The following INPP4A variants were observed in gnomAD, a reference collection of about 807,000 sequenced individuals.
INPP4A encodes inositol polyphosphate-4-phosphatase, type I, 107kD.
Under a neutral mutation model 119.8 loss-of-function variants are expected in INPP4A, and 33 were observed. The observed-to-expected ratio is 0.28, with a 90% confidence interval of 0.21 to 0.37. The LOEUF is 0.37. INPP4A is among the 10% of genes least tolerant of loss of function. The pLI is 1.00. For synonymous variants in INPP4A, 496 were observed against 500.7 expected (o/e 0.99, Z 0.12); for missense variants, 956 against 1,289.9 (o/e 0.74, Z 3.97).
rs777464539 is a variant in INPP4A at position 98,552,855 on chromosome 2, C to G, written c.1233C>G (p.Ala411=). 5 of 1,613,888 alleles carry G rather than the reference C, an allele frequency of 3.1e-6. No homozygotes were observed. The South Asian group carries it at 5.5e-5, about 18-fold the overall frequency. Residue 411 remains alanine, a synonymous_variant, in exon 14 of 25, where the codon GCC becomes GCG. Coordinates refer to ENST00000409851, the MANE Select transcript of INPP4A (RefSeq NM_001134225.2). ...QDVVRAKEII[A]QINTLKTQVS... is the part of the protein sequence containing the mutation. ...TTGTCAGAGCCAAGGAGATCATCGC[C>G]CAGATCAACACCCTGAAAACCCAAG...
intron 1 of INPP4A, among the ~76,000 whole-genome samples, chr2:98,499,752 A>T (rs899020608): frequency 3.3e-5 from 5 of 152,256 alleles, no homozygotes; most frequent in African/African-American, 9.6e-5. Flanking sequence ...TATGTCTCTT[A>T]TCTTCACACA....
At chr2:98,483,651 A>G (rs1678942480) in intron 1 of INPP4A, among the ~76,000 whole-genome samples, 1 of 152,192 alleles carries the variant, frequency 6.6e-6, no homozygotes, top group Admixed American at 6.5e-5. Flanking sequence ...TCCATGCCTC[A>G]AAACACCTCA....
At position 98,532,265 on chromosome 2, in the gene INPP4A, C is replaced by T. The variant is rs541836554; in HGVS notation, c.152-1112C>T. 1.1e-4 allele frequency among the ~76,000 whole-genome samples: 16 copies of T among 151,978 alleles called. 1 individual carries two copies. Among genetic ancestry groups the T allele is most frequent in the African/African-American group, 3.9e-4 (16 of 41,464 alleles). On this transcript the variant is annotated intron_variant, in intron 4 of 24. Coordinates refer to ENST00000409851, the MANE Select transcript of INPP4A (RefSeq NM_001134225.2). ...TAATCTCTCCTTTTTTCTCCCTGTT[C>T]TTTCTTTCATTTTTGTTAGTGTCTT...
intron 13 of INPP4A, chr2:98,548,820 C>T (rs1233465289): frequency 6.4e-6 from 5 of 775,624 alleles, no homozygotes; most frequent in Non-Finnish European, 1.1e-5. Flanking sequence ...TTGTAGTCAT[C>T]CCTGTAGTTG....
chr2:98,478,586 T>A (rs573517026), intron 1 of INPP4A, among the ~76,000 whole-genome samples: 1 of 152,336 alleles, frequency 6.6e-6, no homozygotes, highest in South Asian at 2.1e-4. Context: ...CCCGACTTTC[T>A]TTGCAACAAA....
chr2:98,452,154 C>G (rs1436790321), intron 1 of INPP4A, among the ~76,000 whole-genome samples: 1 of 152,196 alleles, frequency 6.6e-6, no homozygotes. Flanking sequence ...GCAGCTGATT[C>G]CCCAGCCACA....
chr2:98,517,073 C>T (rs1159780445), intron 1 of INPP4A, among the ~76,000 whole-genome samples: 2 of 152,062 alleles, frequency 1.3e-5, no homozygotes, highest in Non-Finnish European at 2.9e-5. Context: ...TTCCAGAGCC[C>T]CGGAAGCCCT....
chr2:98,496,175 C>A (rs541560973), intron 1 of INPP4A, among the ~76,000 whole-genome samples: 72 of 152,238 alleles, frequency 4.7e-4, no homozygotes, highest in Non-Finnish European at 9.7e-4. Flanking sequence ...CCTCCTCTTC[C>A]CATCATAGCC....
intron 1 of INPP4A, among the ~76,000 whole-genome samples, chr2:98,507,602 C>T (rs538967538): frequency 3.5e-4 from 53 of 152,194 alleles, no homozygotes; most frequent in African/African-American, 1.2e-3. Flanking sequence ...GGGCCTGGCT[C>T]AAGCTGGAGA....
intron 1 of INPP4A, among the ~76,000 whole-genome samples, chr2:98,445,684 G>C (rs551179634): frequency 2.0e-5 from 3 of 152,212 alleles, no homozygotes; most frequent in Non-Finnish European, 4.4e-5. Flanking sequence ...GAAGACAGAC[G>C]TTCAAAATGT....
chr2:98,537,784 G>A, intron 7 of INPP4A, 79 bp from the exon 8 acceptor site: 1 of 1,116,708 alleles, frequency 9.0e-7, no homozygotes, highest in African/African-American at 1.5e-5. Context: ...TGATGACCCA[G>A]TACGGCTAGG....
At position 98,554,607 on chromosome 2, in the gene INPP4A, C is replaced by T; in HGVS notation, c.1566+118C>T. The T allele has an allele frequency of 1.2e-6, 1 of 865,386 alleles. No homozygotes were observed. Among genetic ancestry groups the T allele is most frequent in the South Asian group, 1.7e-5 (1 of 59,174 alleles). 53.6% of individuals were successfully genotyped at this position (865,386 alleles called of 1,614,324 possible). A position where few individuals can be genotyped will look rare whatever the true frequency, so the allele number is the denominator to read the frequency against. ...AAGGTTCAACTGCTGTGAACAAGCT[C>T]CAGGTTTCCTTCCTGGATGGCTCCT... On this transcript the variant is annotated intron_variant, in intron 15 of 24. Transcript: ENST00000409851. This position sits in a 1 kb window ranked among gnomAD's most constrained non-coding sequence, Gnocchi z 4.7.
chr2:98,548,849 T>C, intron 13 of INPP4A: 3 of 1,049,134 alleles, frequency 2.9e-6, no homozygotes, highest in South Asian at 1.4e-5. Context: ...ACAAATAATT[T>C]TAAGTATTTT....
At chr2:98,466,525 G>A (rs1674823192) in intron 1 of INPP4A, among the ~76,000 whole-genome samples, 1 of 152,188 alleles carries the variant, frequency 6.6e-6, no homozygotes, top group Admixed American at 6.5e-5. Flanking sequence ...TAATCCTCTG[G>A]ACACCTTGAA....
intron 23 of INPP4A, among the ~76,000 whole-genome samples, chr2:98,573,529 C>T (rs527505561): frequency 3.3e-5 from 5 of 152,280 alleles, no homozygotes; most frequent in African/African-American, 4.8e-5. Context: ...GTGGCATTCC[C>T]GCTCCCTGCC....
At chr2:98,538,389 A>C (rs1223977465) in intron 8 of INPP4A, among the ~76,000 whole-genome samples, 5 of 151,778 alleles carry the variant, frequency 3.3e-5, no homozygotes, top group African/African-American at 1.2e-4. Context: ...GCACACCTTC[A>C]CCTTTTCACA....
intron 7 of INPP4A, among the ~76,000 whole-genome samples, chr2:98,537,327 G>T (rs1022252784): frequency 1.3e-5 from 2 of 152,228 alleles, no homozygotes; most frequent in African/African-American, 4.8e-5. Context: ...TCAGGGTAAA[G>T]CTGACTGAGG....
rs889852600 is a variant in INPP4A at position 98,588,495 on chromosome 2, GA to G, written c.*895del. 3.8e-5 allele frequency: 8 copies of G among 213,294 alleles called. No individual in the cohort carries two copies. The highest frequency in any genetic ancestry group is 9.0e-5 in the African/African-American group (4 of 44,200). 13.2% of individuals were successfully genotyped at this position (213,294 alleles called of 1,614,324 possible). A position where few individuals can be genotyped will look rare whatever the true frequency, so the allele number is the denominator to read the frequency against. ...GATAGTAGAAACCTAAATATTTTCA[GA>G]AAAAAAATTTTTTTTGCAGGATTTC... On this transcript the variant is annotated 3_prime_UTR_variant, in exon 25 of 25. Coordinates refer to ENST00000409851, the MANE Select transcript of INPP4A (RefSeq NM_001134225.2).
At chr2:98,524,164 C>A (rs192874966) in intron 4 of INPP4A, among the ~76,000 whole-genome samples, 1 of 152,310 alleles carries the variant, frequency 6.6e-6, no homozygotes, top group East Asian at 1.9e-4. Context: ...ATACATAGAT[C>A]TTTCATACAT....
Sources: allele counts gnomAD v4.1 joint callset (sites outside exome capture counted in the v4.1 genomes callset), GRCh38; gene constraint gnomAD v4.1.1; non-coding constraint Gnocchi (gnomAD v3.1); transcripts MANE v1.5; gene names NCBI Gene and HGNC (gene_info 2026-07-23, HGNC 2026-07-21).